Variants in RERG observed in about 807,000 individuals in gnomAD.
RERG encodes the protein RAS like estrogen regulated growth inhibitor, also known as ras-related and estrogen-regulated growth inhibitor.
A neutral mutation model predicts 23.2 loss-of-function variants in RERG; 25 were observed. The observed-to-expected ratio is 1.08, with a 90% CI of 0.79 to 1.50. RERG has a LOEUF of 1.50. Ranked by LOEUF, RERG falls within the 40% of genes most tolerant of loss-of-function variation. RERG has a pLI of 0.00. For synonymous variants in RERG, 81 were observed against 89.1 expected, an observed-to-expected ratio of 0.91 and a Z score of 0.51; for missense variants, 253 against 250.1, an observed-to-expected ratio of 1.01 and a Z score of -0.08.
chr12:15,112,606 C>A (rs536382496), intron 3 of RERG: 1 of 152,238 alleles, frequency 6.6e-6, no homozygotes, highest in East Asian at 1.9e-4. Flanking sequence ...ACTAGAACAA[C>A]AGAAATAAAG....
chr12:15,163,399 A>G (rs1490295673), intron 2 of RERG, among the ~76,000 whole-genome samples: 1 of 152,184 alleles, frequency 6.6e-6, no homozygotes, highest in East Asian at 1.9e-4. Flanking sequence ...CAATGACCCA[A>G]AAGAACTAAG....
At chr12:15,210,690 CT>C (rs1273652956) in intron 2 of RERG, among the ~76,000 whole-genome samples, 1 of 152,072 alleles carries the variant, frequency 6.6e-6, no homozygotes, top group Admixed American at 6.6e-5. Context: ...AGAGGTCTGC[CT>C]TTTATACATA....
Position 15,108,136 on chromosome 12 carries a change from T to G in RERG, c.*974A>C, listed in dbSNP as rs896204420. 4 of 152,460 alleles carry G rather than the reference T, an allele frequency of 2.6e-5. No individual in the cohort carries two copies. The highest frequency in any genetic ancestry group is 9.6e-5 in the African/African-American group (4 of 41,454). The allele number at this position is 152,460 out of a possible 1,614,324, so 9.4% of individuals were successfully genotyped here. A position where few individuals can be genotyped will look rare whatever the true frequency, so the allele number is the denominator to read the frequency against. On this transcript the variant is annotated 3_prime_UTR_variant, in exon 5 of 5. Coordinates refer to ENST00000256953, the MANE Select transcript of RERG (RefSeq NM_032918.3). ...GAATTCTCCTAAGTGAGTTAATGTA[T>G]CCAAAATATCAAAATAAGTCATGTG...
intron 2 of RERG, among the ~76,000 whole-genome samples, chr12:15,193,236 T>C (rs1865096516): frequency 6.6e-6 from 1 of 152,144 alleles, no homozygotes; most frequent in African/African-American, 2.4e-5. Context: ...CTTTATTCAG[T>C]TATTTGTTTC....
chr12:15,173,114 A>G (rs1864799010), intron 2 of RERG, among the ~76,000 whole-genome samples: 1 of 152,004 alleles, frequency 6.6e-6, no homozygotes, highest in African/African-American at 2.4e-5. Flanking sequence ...TGTAGCTCTT[A>G]TTTTTAGGTC....
chr12:15,165,555 G>T (rs1367813312), intron 2 of RERG, among the ~76,000 whole-genome samples: 2 of 152,142 alleles, frequency 1.3e-5, no homozygotes, highest in Non-Finnish European at 2.9e-5. Context: ...GGTATGGGTG[G>T]TGGTAAGACT....
chr12:15,120,328 C>T (rs1200639080), intron 3 of RERG, among the ~76,000 whole-genome samples: 1 of 152,084 alleles, frequency 6.6e-6, no homozygotes, highest in African/African-American at 2.4e-5. Context: ...AAGCCAAGGC[C>T]TTCTCTTTCT....
chr12:15,112,686 G>T (rs1863642843), intron 3 of RERG, among the ~76,000 whole-genome samples: 1 of 152,158 alleles, frequency 6.6e-6, no homozygotes, highest in African/African-American at 2.4e-5. Flanking sequence ...GTCAGTAAGT[G>T]TAAGTAAGTA....
intron 2 of RERG, among the ~76,000 whole-genome samples, chr12:15,203,595 A>C (rs1317193877): frequency 6.6e-6 from 1 of 151,702 alleles, no homozygotes; most frequent in Non-Finnish European, 1.5e-5. Flanking sequence ...AAAAGGAATA[A>C]AAGGCATCCA....
intron 2 of RERG, among the ~76,000 whole-genome samples, chr12:15,143,460 T>C (rs1302145471): frequency 6.6e-6 from 1 of 152,040 alleles, no homozygotes; most frequent in Non-Finnish European, 1.5e-5. Context: ...AGTTTTAGAG[T>C]TCAAGACAAC....
chr12:15,206,874 T>C (rs1865298592), intron 2 of RERG, among the ~76,000 whole-genome samples: 1 of 152,122 alleles, frequency 6.6e-6, no homozygotes, highest in African/African-American at 2.4e-5. Flanking sequence ...AGGCACTTTC[T>C]GTAGCAATGT....
intron 3 of RERG, among the ~76,000 whole-genome samples, chr12:15,120,219 T>C (rs1591634889): frequency 2.0e-5 from 3 of 152,292 alleles, no homozygotes; most frequent in South Asian, 4.1e-4. Context: ...CATTCTCTAT[T>C]CCCTTCCTTA....
At chr12:15,124,126 T>C (rs1188182791) in intron 2 of RERG, among the ~76,000 whole-genome samples, 2 of 152,126 alleles carry the variant, frequency 1.3e-5, no homozygotes, top group East Asian at 1.9e-4. Context: ...TTTAATCCAA[T>C]AAAATATTTT....
intron 2 of RERG, among the ~76,000 whole-genome samples, chr12:15,123,632 CTT>C (rs1863881244): frequency 2.7e-5 from 2 of 74,754 alleles, no homozygotes; most frequent in South Asian, 3.5e-4. Context: ...AATATTAAAA[CTT>C]ATTAATTTTT....
intron 2 of RERG, among the ~76,000 whole-genome samples, chr12:15,147,443 T>C (rs1398734676): frequency 1.3e-5 from 2 of 152,212 alleles, no homozygotes; most frequent in South Asian, 2.1e-4. Flanking sequence ...TGAATAAAGA[T>C]AGAGAAAAAC....
At chr12:15,205,074 ACT>A (rs1865265562) in intron 2 of RERG, among the ~76,000 whole-genome samples, 1 of 151,822 alleles carries the variant, frequency 6.6e-6, no homozygotes, top group Non-Finnish European at 1.5e-5. Context: ...TATTTTTGCA[ACT>A]CTGTATAATT....
chr12:15,120,611 A>G (rs1041653961), intron 3 of RERG, among the ~76,000 whole-genome samples: 3 of 152,140 alleles, frequency 2.0e-5, no homozygotes, highest in African/African-American at 7.2e-5. Flanking sequence ...TCTCTGTAAC[A>G]GGCTTTAGTC....
chr12:15,218,582 G>C (rs1213527898), intron 1 of RERG, among the ~76,000 whole-genome samples: 1 of 152,048 alleles, frequency 6.6e-6, no homozygotes, highest in Non-Finnish European at 1.5e-5. Flanking sequence ...CAATTAGGAG[G>C]AACTATCTTT....
chr12:15,160,257 T>C (rs1305931904), intron 2 of RERG, among the ~76,000 whole-genome samples: 1 of 152,104 alleles, frequency 6.6e-6, no homozygotes, highest in Non-Finnish European at 1.5e-5. Flanking sequence ...TTTCACGAAT[T>C]CTAAGTACAA....
Sources: gnomAD v4.1 joint callset for allele counts (sites outside exome capture counted in the v4.1 genomes callset) on GRCh38, gnomAD v4.1.1 for gene constraint, MANE v1.5 for transcripts, NCBI Gene and HGNC (gene_info 2026-07-23, HGNC 2026-07-21) for gene names.